ROBO2: variants seen among roughly 807,000 people sequenced by gnomAD.
ROBO2 encodes roundabout homolog 2.
In ROBO2, 53 loss-of-function variants were observed where a neutral mutation model predicts 160.8. The observed-to-expected ratio is 0.33, with a 90% CI of 0.26 to 0.41. The LOEUF is 0.41. Ranked by LOEUF, ROBO2 falls within the 10% of genes least tolerant of loss-of-function variation. ROBO2 has a pLI of 1.00. For synonymous variants in ROBO2, 664 were observed against 611.7 expected (o/e 1.09, Z -1.26); for missense variants, 1,577 against 1,722.4 (o/e 0.92, Z 1.49).
intron 2 of ROBO2, among the ~76,000 whole-genome samples, chr3:77,118,988 G>A (rs2074473844): frequency 6.6e-6 from 1 of 152,140 alleles, no homozygotes; most frequent in South Asian, 2.1e-4. Flanking sequence ...GGGAGTAAGG[G>A]ACCTGGTGGG....
intron 2 of ROBO2, among the ~76,000 whole-genome samples, chr3:76,250,847 T>C (rs2107551896): frequency 6.6e-6 from 1 of 152,184 alleles, no homozygotes; most frequent in South Asian, 2.1e-4. Flanking sequence ...TCAAAGTCCA[T>C]GATATTTCAA....
At chr3:76,935,797 C>T (rs2077660901) in intron 2 of ROBO2, among the ~76,000 whole-genome samples, 1 of 152,122 alleles carries the variant, frequency 6.6e-6, no homozygotes, top group African/African-American at 2.4e-5. Flanking sequence ...CATATTTTGC[C>T]TGTGTCTTCA....
chr3:77,568,628 A>G (rs2093556420), intron 13 of ROBO2, among the ~76,000 whole-genome samples, 194 bp downstream of exon 14: 1 of 152,062 alleles, frequency 6.6e-6, no homozygotes, highest in Admixed American at 6.6e-5. Context: ...TTATTATATA[A>G]ACATGGCATA....
At chr3:75,931,256 G>A (rs747735090) in intron 1 of ROBO2, among the ~76,000 whole-genome samples, 1 of 152,170 alleles carries the variant, frequency 6.6e-6, no homozygotes, top group Non-Finnish European at 1.5e-5. Context: ...TTTCTGTATT[G>A]TATGAAAAGC....
At chr3:75,990,465 A>T (rs2065535355) in intron 2 of ROBO2, among the ~76,000 whole-genome samples, 1 of 152,208 alleles carries the variant, frequency 6.6e-6, no homozygotes, top group Non-Finnish European at 1.5e-5. Context: ...AAAGTGGCTT[A>T]GTTGTTACTC....
chr3:75,932,334 A>T (rs929229656), intron 1 of ROBO2, among the ~76,000 whole-genome samples: 8 of 152,172 alleles, frequency 5.3e-5, no homozygotes, highest in African/African-American at 1.9e-4. Flanking sequence ...TTCACTGAAA[A>T]GTCAGTCTGA....
Position 76,286,911 on chromosome 3 carries a change from C to T in ROBO2, c.109+349309C>T, listed in dbSNP as rs112589831. ...CAGGAATCTTGTGTTTCTCTACAAG[C>T]GGAAATAAAGCTGTAAGAAAAGGCA... On this transcript the variant is annotated intron_variant, in intron 2 of 26. Transcript: ENST00000487694. Among the ~76,000 whole-genome samples the T allele has an allele frequency of 3.5e-3, 534 of 152,170 alleles. 3 individuals carry two copies. The highest frequency in any genetic ancestry group is 0.012 in the African/African-American group (484 of 41,518).
chr3:76,386,941 G>A (rs981377954), intron 2 of ROBO2, among the ~76,000 whole-genome samples: 1 of 152,144 alleles, frequency 6.6e-6, no homozygotes, highest in Non-Finnish European at 1.5e-5. Context: ...TAAAAAGCAG[G>A]TGGGAGGGAG....
chr3:77,046,924 G>T (rs185968612), intron 1 of ROBO2, among the ~76,000 whole-genome samples: 1 of 152,276 alleles, frequency 6.6e-6, no homozygotes, highest in East Asian at 1.9e-4. Flanking sequence ...AAATGTTCAA[G>T]TCACTAGAAT....
chr3:76,982,227 G>A lies in ROBO2; in HGVS notation c.110-115787G>A, dbSNP rs189305683. Among the ~76,000 whole-genome samples the A allele has an allele frequency of 5.2e-4, 79 of 152,126 alleles. 1 individual carries two copies. Among genetic ancestry groups the A allele is most frequent in the Middle Eastern group, 6.8e-3 (2 of 294 alleles). ...TTTATATTCTTACATTTCAGCCTTTGAACTATTTTGACTTAGTTTTTTATA... is the reference window on the plus strand; with the variant it reads ...TTTATATTCTTACATTTCAGCCTTTAAACTATTTTGACTTAGTTTTTTATA... On this transcript the variant is annotated intron_variant, in intron 2 of 26. Transcript: ENST00000487694.
chr3:77,386,695 C>T lies in ROBO2; in HGVS notation c.389-90719C>T, dbSNP rs533812138. ...TTGTCTCACTGCAACCTCTGCCTCC[C>T]AGGTTAAAGTGATTCTCGTGCCTCG... On this transcript the variant is annotated intron_variant, in intron 2 of 25. Coordinates refer to ENST00000461745, the Ensembl canonical transcript of ROBO2. Among the ~76,000 whole-genome samples, 6 of 145,872 alleles carry T rather than the reference C, an allele frequency of 4.1e-5. No homozygotes were observed. The East Asian group carries it at 8.6e-4, about 21-fold the overall frequency.
chr3:77,572,685 G>T (rs2093667715), intron 13 of ROBO2, among the ~76,000 whole-genome samples: 1 of 151,350 alleles, frequency 6.6e-6, no homozygotes, highest in Non-Finnish European at 1.5e-5. Context: ...AATTGAGGGA[G>T]TTTTCTCGTT....
At chr3:77,316,315 GA>G (rs767153387) in intron 2 of ROBO2, among the ~76,000 whole-genome samples, 9 of 151,332 alleles carry the variant, frequency 5.9e-5, no homozygotes, top group Non-Finnish European at 1.3e-4. Flanking sequence ...AGGTCATGAA[GA>G]TCTGTATAAA....
intron 2 of ROBO2, among the ~76,000 whole-genome samples, chr3:76,854,477 A>G (rs1374232817): frequency 6.6e-6 from 1 of 152,152 alleles, no homozygotes; most frequent in East Asian, 1.9e-4. Context: ...ACAATGAATG[A>G]CTGTGATTGT....
chr3:75,979,362 A>G (rs1396007004), intron 2 of ROBO2, among the ~76,000 whole-genome samples: 1 of 151,568 alleles, frequency 6.6e-6, no homozygotes, highest in African/African-American at 2.4e-5. Context: ...TATACTAATT[A>G]TCTTATCCAA....
At position 77,238,299 on chromosome 3, in the gene ROBO2, T is replaced by C. The variant is rs2088403261; in HGVS notation, c.388+139959T>C. On this transcript the variant is annotated intron_variant, in intron 2 of 25. Transcript: ENST00000461745. ...TTTGATGCCATATCTAAAAAGTCAT[T>C]GACAAATCCAAATTCATCTAGATTT... 2.0e-5 allele frequency among the ~76,000 whole-genome samples: 3 copies of C among 152,318 alleles called. No individual in the cohort carries two copies. In the South Asian group the frequency reaches 6.2e-4, roughly 32 times the overall value.
chr3:76,339,877 A>C (rs970526054), intron 2 of ROBO2, among the ~76,000 whole-genome samples: 2 of 152,142 alleles, frequency 1.3e-5, no homozygotes, highest in African/African-American at 4.8e-5. Flanking sequence ...TCTGTAACAC[A>C]AATATTAACA....
At chr3:76,075,592 A>T (rs1010549115) in intron 2 of ROBO2, among the ~76,000 whole-genome samples, 1 of 152,116 alleles carries the variant, frequency 6.6e-6, no homozygotes, top group African/African-American at 2.4e-5. Context: ...ATTTTACACA[A>T]TGTAATGCCT....
At chr3:76,608,380 G>A (rs1207590263) in intron 2 of ROBO2, among the ~76,000 whole-genome samples, 1 of 152,148 alleles carries the variant, frequency 6.6e-6, no homozygotes, top group African/African-American at 2.4e-5. Flanking sequence ...TGGAAGGAAA[G>A]ACAAAATTAA....
Sources: gnomAD v4.1 joint callset for allele counts (sites outside exome capture counted in the v4.1 genomes callset) on GRCh38, gnomAD v4.1.1 for gene constraint, MANE v1.5 for transcripts, NCBI Gene and HGNC (gene_info 2026-07-23, HGNC 2026-07-21) for gene names.